Variants in DMD observed in about 807,000 individuals in gnomAD.
DMD encodes dystrophin.
DMD carries 63 observed loss-of-function variants against 330.1 expected under a neutral mutation model. That is an observed-to-expected ratio of 0.19 (90% CI 0.16 to 0.24). DMD has a LOEUF of 0.24. Among genes scored for constraint, DMD ranks in the 10% least tolerant of loss-of-function variants. DMD has a pLI of 1.00. For synonymous variants in DMD, 1,223 were observed against 959.8 expected (o/e 1.27, Z -5.07); for missense variants, 3,344 against 2,684.1 (o/e 1.25, Z -5.43).
At chrX:31,226,422 A>C (rs2046603670) in intron 63 of DMD, among the ~76,000 whole-genome samples, 1 of 112,242 alleles carries the variant, frequency 8.9e-6, no homozygotes, top group Non-Finnish European at 1.9e-5. Flanking sequence ...CTTGTTTATG[A>C]TAAATACCAA....
chrX:32,899,775 A>G (rs1338780117), intron 2 of DMD, among the ~76,000 whole-genome samples: 2 of 111,673 alleles, frequency 1.8e-5, no homozygotes, highest in Non-Finnish European at 3.8e-5. Context: ...TGGTTCTGGT[A>G]TAAATAAGCT....
chrX:32,532,771 G>A (rs1194375479), intron 17 of DMD, among the ~76,000 whole-genome samples: 6 of 111,919 alleles, frequency 5.4e-5, no homozygotes, highest in Admixed American at 9.5e-5. Context: ...CTTAATGACT[G>A]ATAAAGTAAA....
chrX:31,721,708 CTCTCTCTCTCTATA>C (rs1173706757), intron 52 of DMD, among the ~76,000 whole-genome samples: 58 of 49,182 alleles, frequency 1.2e-3, no homozygotes, highest in African/African-American at 3.5e-3. Flanking sequence ...CTCTCTCTCT[CTCTCTCTCTCTATA>C]TATATATATA....
intron 7 of DMD, among the ~76,000 whole-genome samples, chrX:32,742,145 C>T (rs1008374095): frequency 1.5e-4 from 17 of 111,748 alleles, no homozygotes; most frequent in African/African-American, 5.5e-4. Context: ...AGCTACCACC[C>T]ATTCCCTTTG....
chrX:31,249,938 A>G (rs28494139), intron 63 of DMD, among the ~76,000 whole-genome samples: 7,622 of 111,557 alleles, frequency 0.068, 465 homozygotes, highest in African/African-American at 0.19. Context: ...ACAACACAAG[A>G]TAAGTCTCAT....
Position 32,491,319 on chromosome X carries a change from T to G in DMD, c.2580A>C (p.Pro860=). The change falls in exon 20 of 79, where the codon CCA becomes CCC. Residue 860 remains proline (P), a synonymous_variant. Coordinates refer to ENST00000357033, the MANE Select transcript of DMD (RefSeq NM_004006.3). ...GACTTTTAATTGCTGTTGGCTCTGATGGGGTGGTGGGTTGGATTTTCAACC... is the reference window on the plus strand; with the variant it reads ...GACTTTTAATTGCTGTTGGCTCTGAGGGGGTGGTGGGTTGGATTTTCAACC... ...ENWLKIQPTT[P]SEPTAIKSQL... is the part of the protein sequence containing the mutation. 1 of 1,209,779 alleles carries G rather than the reference T, an allele frequency of 8.3e-7. No homozygotes were observed. The highest frequency in any genetic ancestry group is 3.0e-5 in the East Asian group (1 of 33,770).
At chrX:32,722,689 A>C (rs1443633966) in intron 7 of DMD, among the ~76,000 whole-genome samples, 5 of 111,097 alleles carry the variant, frequency 4.5e-5, no homozygotes, top group African/African-American at 1.3e-4. Context: ...ATTGGGTCTT[A>C]AATATTTTAT....
chrX:32,740,352 G>A (rs2069090630), intron 7 of DMD, among the ~76,000 whole-genome samples: 1 of 110,314 alleles, frequency 9.1e-6, no homozygotes, highest in Non-Finnish European at 1.9e-5. Context: ...ATGGTACAGA[G>A]AAGGGATCTA....
chrX:32,918,969 C>T (rs2088115467), intron 2 of DMD, among the ~76,000 whole-genome samples: 1 of 111,885 alleles, frequency 8.9e-6, no homozygotes, highest in Non-Finnish European at 1.9e-5. Context: ...TTGTCTGGGT[C>T]CCAAAGGACG....
At chrX:32,814,229 T>G (rs1190445727) in intron 6 of DMD, among the ~76,000 whole-genome samples, 2 of 112,498 alleles carry the variant, frequency 1.8e-5, no homozygotes, top group African/African-American at 6.4e-5. Context: ...TGTAATTTTA[T>G]CTGCATCTTT....
chrX:31,738,949 G>C (rs1270616088), intron 51 of DMD, among the ~76,000 whole-genome samples: 1 of 111,647 alleles, frequency 9.0e-6, no homozygotes, highest in Non-Finnish European at 1.9e-5. Flanking sequence ...GGGGAGGTGG[G>C]GGTGGTGTAG....
At chrX:31,417,848 C>T (rs774215049) in intron 60 of DMD, among the ~76,000 whole-genome samples, 41 of 108,028 alleles carry the variant, frequency 3.8e-4, no homozygotes, top group African/African-American at 1.3e-3. Context: ...CCACCATGCC[C>T]GGCTAATTTT....
In DMD at chrX:32,653,688, C is replaced by T. The variant is rs776278317; in HGVS notation, c.961-8536G>A. ...ACTTTAAAGTAGTTTTTTCCAATTC[C>T]GTGTAGAAAGTCATTGGTAGCTTGA... On this transcript the variant is annotated intron_variant, in intron 9 of 78. Coordinates refer to ENST00000357033, the MANE Select transcript of DMD (RefSeq NM_004006.3). Among the ~76,000 whole-genome samples, 67 of 111,436 alleles carry T rather than the reference C, an allele frequency of 6.0e-4. 1 individual carries two copies. The South Asian group carries it at 0.013, about 22-fold the overall frequency.
chrX:31,150,198 A>T (rs964351111), intron 74 of DMD, among the ~76,000 whole-genome samples: 8 of 111,777 alleles, frequency 7.2e-5, no homozygotes, highest in Non-Finnish European at 1.3e-4. Context: ...AATTCACTTT[A>T]TATATTTCTA....
intron 49 of DMD, among the ~76,000 whole-genome samples, chrX:31,833,881 C>T (rs1375774911): frequency 9.0e-6 from 1 of 111,402 alleles, no homozygotes; most frequent in Non-Finnish European, 1.9e-5. Context: ...CTAGATCTTG[C>T]ATATACATCG....
chrX:33,194,726 T>C (rs2050832775), intron 1 of DMD, among the ~76,000 whole-genome samples: 1 of 111,172 alleles, frequency 9.0e-6, no homozygotes, highest in Non-Finnish European at 1.9e-5. Context: ...AAATTAATGA[T>C]ATCACTCAAG....
At chrX:31,817,517 C>G (rs1348887718) in intron 50 of DMD, among the ~76,000 whole-genome samples, 2 of 110,045 alleles carry the variant, frequency 1.8e-5, no homozygotes, top group African/African-American at 6.6e-5. Context: ...TGACTTAATG[C>G]TCAGATCTGT....
chrX:32,811,496 T>C (rs914077026), intron 6 of DMD, among the ~76,000 whole-genome samples: 2 of 112,364 alleles, frequency 1.8e-5, no homozygotes, highest in Non-Finnish European at 3.8e-5. Flanking sequence ...TCTCTTCCAC[T>C]AGAATGTACA....
At chrX:31,563,053 CTATTTATT>C (rs10538343) in intron 55 of DMD, among the ~76,000 whole-genome samples, 1 of 108,678 alleles carries the variant, frequency 9.2e-6, no homozygotes, top group African/African-American at 3.4e-5. Flanking sequence ...CAATTTGTAT[CTATTTATT>C]TATTTATTTA....
Sources: allele counts gnomAD v4.1 joint callset (sites outside exome capture counted in the v4.1 genomes callset), GRCh38; gene constraint gnomAD v4.1.1; transcripts MANE v1.5; gene names NCBI Gene and HGNC (gene_info 2026-07-23, HGNC 2026-07-21).